The following PRKAR1B variants were observed in gnomAD, a reference collection of about 807,000 sequenced individuals.
PRKAR1B encodes cAMP-dependent protein kinase type I-beta regulatory subunit.
PRKAR1B carries 22 observed loss-of-function variants against 46.5 expected under a neutral mutation model. That is an observed-to-expected ratio of 0.47 (90% CI 0.34 to 0.68). PRKAR1B has a LOEUF of 0.68. PRKAR1B is among the 30% of genes least tolerant of loss of function. The pLI, the probability that PRKAR1B is intolerant of heterozygous loss-of-function variation, is 0.01. For missense variants in PRKAR1B, 445 were observed against 535.6 expected (o/e 0.83, Z 1.67); for synonymous variants, 259 against 217.7 (o/e 1.19, Z -1.67).
At chr7:583,612 A>T (rs1382932408) in intron 8 of PRKAR1B, among the ~76,000 whole-genome samples, 2 of 69,958 alleles carry the variant, frequency 2.9e-5, no homozygotes, top group African/African-American at 6.8e-5. Context: ...ACACCCCCTC[A>T]CACGTGCACA....
intron 1 of PRKAR1B, chr7:726,648 G>A (rs1217252287): frequency 3.6e-6 from 4 of 1,125,510 alleles, no homozygotes; most frequent in Non-Finnish European, 1.1e-6. Flanking sequence ...AGCGCGGACC[G>A]GAAGTGCTGC....
intron 6 of PRKAR1B, among the ~76,000 whole-genome samples, chr7:601,372 G>A (rs998411677): frequency 2.0e-5 from 3 of 152,242 alleles, no homozygotes; most frequent in African/African-American, 7.2e-5. Flanking sequence ...GCTGGATGGG[G>A]CTGCCTGGGG....
At chr7:670,498 G>A (rs1030272836) in intron 4 of PRKAR1B, among the ~76,000 whole-genome samples, 1 of 147,856 alleles carries the variant, frequency 6.8e-6, no homozygotes, top group Non-Finnish European at 1.5e-5. Context: ...GTCCAGCAGA[G>A]GGGCTCAGGA....
intron 7 of PRKAR1B, among the ~76,000 whole-genome samples, chr7:585,217 C>G (rs1210661420): frequency 1.3e-5 from 2 of 152,142 alleles, no homozygotes; most frequent in Admixed American, 1.3e-4. Context: ...GCACACACAT[C>G]CCATCAAGCT....
intron 4 of PRKAR1B, among the ~76,000 whole-genome samples, chr7:630,294 C>A (rs1379445487): frequency 6.6e-6 from 1 of 152,212 alleles, no homozygotes; most frequent in Non-Finnish European, 1.5e-5. Context: ...CTCGGCCAGC[C>A]CCATCGGAGA....
upstream of PRKAR1B, chr7:727,528 T>G: frequency 8.4e-6 from 2 of 237,064 alleles, no homozygotes; most frequent in Non-Finnish European, 1.5e-5. Context: ...CTGCTTCCCC[T>G]GCCTCACGTC....
intron 9 of PRKAR1B, among the ~76,000 whole-genome samples, chr7:570,522 C>A (rs922404285): frequency 1.3e-5 from 2 of 152,122 alleles, no homozygotes; most frequent in South Asian, 2.1e-4. Context: ...CCCGTCCCCC[C>A]ACTGCCTGCC....
At position 711,532 on chromosome 7, in the gene PRKAR1B, C is replaced by A. The variant is rs370891240; in HGVS notation, c.-22-5G>T. 1 of 1,609,302 alleles carries A rather than the reference C, an allele frequency of 6.2e-7. No individual in the cohort carries two copies. The highest frequency in any genetic ancestry group is 8.5e-7 in the Non-Finnish European group (1 of 1,177,468). On this transcript the variant is annotated splice_polypyrimidine_tract_variant and splice_region_variant and intron_variant, in intron 1 of 10. Coordinates refer to ENST00000537384, the MANE Select transcript of PRKAR1B (RefSeq NM_001164760.2). ...GCGAGGGTGGCTGCTTCCTTCCTGT[C>A]CAGAAAACACACAGATCCCCAGGCC...
At chr7:656,590 A>T (rs1247995071) in intron 4 of PRKAR1B, among the ~76,000 whole-genome samples, 1 of 144,732 alleles carries the variant, frequency 6.9e-6, no homozygotes, top group East Asian at 2.1e-4. Context: ...ATGAATGGAT[A>T]AATGGAACAA....
chr7:652,801 T>A (rs1784980716), intron 4 of PRKAR1B, among the ~76,000 whole-genome samples: 1 of 152,196 alleles, frequency 6.6e-6, no homozygotes, highest in African/African-American at 2.4e-5. Context: ...ACTCGGGTAT[T>A]TTGGTTATTT....
intron 4 of PRKAR1B, among the ~76,000 whole-genome samples, chr7:612,246 AGGTG>A: frequency 6.9e-6 from 1 of 145,446 alleles, no homozygotes; most frequent in Non-Finnish European, 1.5e-5. Flanking sequence ...GTGGATGAAC[AGGTG>A]GGTGAGTAGA....
chr7:671,098 C>T (rs972599793), intron 4 of PRKAR1B, among the ~76,000 whole-genome samples: 1 of 152,230 alleles, frequency 6.6e-6, no homozygotes, highest in Admixed American at 6.5e-5. Context: ...CGTCCACCTC[C>T]TTCTTCCTCA....
At chr7:594,089 A>G (rs915382445) in intron 7 of PRKAR1B, among the ~76,000 whole-genome samples, 2 of 152,024 alleles carry the variant, frequency 1.3e-5, no homozygotes, top group Non-Finnish European at 2.9e-5. Context: ...CTCCCAGCTC[A>G]CGGGGCTCCA....
At chr7:561,013 C>CAT (rs1303664139) in intron 9 of PRKAR1B, among the ~76,000 whole-genome samples, 1 of 152,184 alleles carries the variant, frequency 6.6e-6, no homozygotes, top group African/African-American at 2.4e-5. Context: ...CCTATACATA[C>CAT]ACACACACGT....
At chr7:557,758 C>T (rs920458893) in intron 9 of PRKAR1B, among the ~76,000 whole-genome samples, 1 of 152,190 alleles carries the variant, frequency 6.6e-6, no homozygotes, top group African/African-American at 2.4e-5. Context: ...ACTCCACTTC[C>T]CAGACTGCCA....
chr7:727,170 C>A, intron 1 of PRKAR1B, 40 bp downstream of exon 1: 1 of 1,319,554 alleles, frequency 7.6e-7, no homozygotes, highest in Non-Finnish European at 9.7e-7. Context: ...AGCTGCTGGG[C>A]CTGGCCGTGG....
intron 9 of PRKAR1B, among the ~76,000 whole-genome samples, chr7:563,492 G>A (rs1181776742): frequency 6.6e-6 from 1 of 152,272 alleles, no homozygotes; most frequent in African/African-American, 2.4e-5. Flanking sequence ...CAGCCCCAGG[G>A]GGCCCCAAGC....
At chr7:573,054 G>C (rs1779615947) in intron 9 of PRKAR1B, among the ~76,000 whole-genome samples, 1 of 152,148 alleles carries the variant, frequency 6.6e-6, no homozygotes, top group Non-Finnish European at 1.5e-5. Flanking sequence ...GTCTGATGCT[G>C]TCGGTGGCCG....
intron 9 of PRKAR1B, among the ~76,000 whole-genome samples, chr7:575,015 C>T (rs368321224): frequency 7.9e-5 from 12 of 152,222 alleles, no homozygotes; most frequent in Non-Finnish European, 1.5e-4. Flanking sequence ...GCTCTACTGA[C>T]GTACTAATTT....
Sources: allele counts gnomAD v4.1 joint callset (sites outside exome capture counted in the v4.1 genomes callset), GRCh38; gene constraint gnomAD v4.1.1; transcripts MANE v1.5; gene names NCBI Gene and HGNC (gene_info 2026-07-23, HGNC 2026-07-21).